Variants in MAPK10 observed in about 807,000 individuals in gnomAD.
MAPK10 encodes mitogen-activated protein kinase 10.
MAPK10 carries 25 observed loss-of-function variants against 59.3 expected under a neutral mutation model. The observed-to-expected ratio is 0.42, with a 90% CI of 0.31 to 0.59. The LOEUF is 0.59. Among genes scored for constraint, MAPK10 ranks in the 20% least tolerant of loss-of-function variants. MAPK10 has a pLI of 0.15. For missense variants in MAPK10, 351 were observed against 568.9 expected (o/e 0.62, Z 3.90); for synonymous variants, 190 against 200.5 (o/e 0.95, Z 0.44).
rs1323414094 is a variant in MAPK10, at chr4:86,423,779, A to T, written c.-122+29251T>A. On this transcript the variant is annotated intron_variant, in intron 1 of 13. Transcript: ENST00000361569. ...TAGTGGGATATATATACATATATAT[A>T]TATATATATATATATATGTTTAGGA... is the stretch of plus-strand genomic sequence containing the variant. Among the ~76,000 whole-genome samples the T allele has an allele frequency of 6.1e-3, 890 of 145,110 alleles. 22 individuals are homozygous for T. The highest frequency in any genetic ancestry group is 0.02 in the African/African-American group (796 of 39,316).
chr4:86,327,917 T>G (rs1013675224), intron 2 of MAPK10, among the ~76,000 whole-genome samples: 2 of 150,546 alleles, frequency 1.3e-5, no homozygotes, highest in Non-Finnish European at 3.0e-5. Flanking sequence ...ACCACTGCAC[T>G]CCAGCTAGGC....
chr4:86,501,293 A>T (rs970600459), intron 1 of MAPK10, among the ~76,000 whole-genome samples: 1 of 152,046 alleles, frequency 6.6e-6, no homozygotes, highest in African/African-American at 2.4e-5. Flanking sequence ...TATTTTATAT[A>T]TAGTCTTCAA....
intron 2 of MAPK10, among the ~76,000 whole-genome samples, chr4:86,248,632 A>C (rs1165566537): frequency 6.6e-6 from 1 of 152,236 alleles, no homozygotes; most frequent in Non-Finnish European, 1.5e-5. Flanking sequence ...TCAAAGAAGA[A>C]TCTTTCTCAA....
At chr4:86,442,722 A>G (rs946869514) in intron 1 of MAPK10, among the ~76,000 whole-genome samples, 13 of 152,166 alleles carry the variant, frequency 8.5e-5, no homozygotes, top group Non-Finnish European at 2.9e-5. Context: ...ACAATCTTAA[A>G]TTATTTAAAT....
chr4:86,421,364 A>T (rs1025344449), intron 1 of MAPK10, among the ~76,000 whole-genome samples: 20 of 152,216 alleles, frequency 1.3e-4, no homozygotes, highest in African/African-American at 4.8e-4. Context: ...TCTCTAAAAA[A>T]TAAGTAAATA....
intron 2 of MAPK10, among the ~76,000 whole-genome samples, chr4:86,199,710 G>A (rs1246550633): frequency 6.6e-6 from 1 of 151,874 alleles, no homozygotes; most frequent in Non-Finnish European, 1.5e-5. Flanking sequence ...CATTATTTAA[G>A]CATATGAAAC....
intron 2 of MAPK10, among the ~76,000 whole-genome samples, chr4:86,229,773 A>G (rs1188337576): frequency 2.0e-5 from 3 of 152,288 alleles, no homozygotes; most frequent in South Asian, 2.1e-4. Context: ...TGACATGTTT[A>G]GGCAAGGCAT....
chr4:86,295,024 G>A lies in MAPK10; in HGVS notation c.-7+59506C>T, dbSNP rs1252826893. On this transcript the variant is annotated intron_variant, in intron 2 of 13. Transcript: ENST00000641462. ...TAGAGGCCTCAGAAGGGTATCACTC[G>A]CATGGTACAGCTAAATAAGGCCTAC... is the stretch of plus-strand genomic sequence containing the variant. 1.3e-5 allele frequency among the ~76,000 whole-genome samples: 2 copies of A among 152,144 alleles called. 1 individual carries two copies. The highest frequency in any genetic ancestry group is 1.3e-4 in the Admixed American group (2 of 15,270).
chr4:86,370,649 T>C (rs932697292), intron 1 of MAPK10: 9 of 152,234 alleles, frequency 5.9e-5, no homozygotes, highest in African/African-American at 2.2e-4. Flanking sequence ...GTCTCCTGTT[T>C]GAAAAGGAAA....
intron 13 of MAPK10, among the ~76,000 whole-genome samples, chr4:86,026,218 G>T (rs1326728723): frequency 6.6e-6 from 1 of 152,174 alleles, no homozygotes; most frequent in Admixed American, 6.5e-5. Flanking sequence ...TTCTCAGGTG[G>T]AAGAGGGCTG....
At chr4:86,221,691 AC>A (rs1403461266) in intron 2 of MAPK10, among the ~76,000 whole-genome samples, 3 of 151,822 alleles carry the variant, frequency 2.0e-5, no homozygotes, top group African/African-American at 7.3e-5. Flanking sequence ...TTTTGTAGAG[AC>A]AGGTTTTGCC....
At chr4:86,198,624 C>A (rs960945884) in intron 2 of MAPK10, among the ~76,000 whole-genome samples, 2 of 151,592 alleles carry the variant, frequency 1.3e-5, no homozygotes, top group African/African-American at 4.8e-5. Context: ...TCAGGAAAGG[C>A]CAAACTTTAA....
intron 9 of MAPK10, among the ~76,000 whole-genome samples, chr4:86,069,264 T>C (rs572950841): frequency 6.6e-6 from 1 of 152,130 alleles, no homozygotes; most frequent in Non-Finnish European, 1.5e-5. Context: ...CTTTTCTTCA[T>C]CTCTATAATC....
At chr4:86,156,042 T>C (rs897143501) in intron 4 of MAPK10, among the ~76,000 whole-genome samples, 12 of 152,026 alleles carry the variant, frequency 7.9e-5, no homozygotes, top group African/African-American at 2.9e-4. Flanking sequence ...CAGAATGGTG[T>C]ACAATTTAAA....
chr4:86,100,941 A>C, intron 8 of MAPK10, 111 bp downstream of exon 8: 3 of 871,528 alleles, frequency 3.4e-6, no homozygotes, highest in Non-Finnish European at 5.2e-6. Flanking sequence ...GCTATCTGGC[A>C]GCCCTACTTT....
At chr4:86,447,284 G>A (rs920319246) in intron 1 of MAPK10, among the ~76,000 whole-genome samples, 1 of 152,076 alleles carries the variant, frequency 6.6e-6, no homozygotes. Context: ...TCTCTCTCCT[G>A]TTGCCTTGTG....
chr4:86,567,644 T>C (rs904335303), intron 1 of MAPK10, among the ~76,000 whole-genome samples: 6 of 152,236 alleles, frequency 3.9e-5, no homozygotes, highest in Non-Finnish European at 8.8e-5. Flanking sequence ...AACAAAACTG[T>C]ACTTGTACCC....
Position 86,480,101 on chromosome 4 carries a change from CCT to C in MAPK10, c.-263+113807_-263+113808del, listed in dbSNP as rs1383744038. Among the ~76,000 whole-genome samples the C allele has an allele frequency of 4.6e-5, 7 of 152,242 alleles. No individual in the cohort carries two copies. In the East Asian group the frequency reaches 1.4e-3, roughly 29 times the overall value. ...GAGCCCAAGCTAAGCCATCATATCC[CCT>C]GTGACCTGCACGTATACACCTAGAT... On this transcript the variant is annotated intron_variant, in intron 1 of 4. Coordinates refer to the MAPK10 transcript ENST00000502302.
intron 2 of MAPK10, among the ~76,000 whole-genome samples, chr4:86,256,202 C>T (rs1255359985): frequency 2.0e-5 from 3 of 152,202 alleles, no homozygotes; most frequent in African/African-American, 7.2e-5. Flanking sequence ...TCTCTACAAT[C>T]AACCAATCTC....
Sources: gnomAD v4.1 joint callset for allele counts (sites outside exome capture counted in the v4.1 genomes callset) on GRCh38, gnomAD v4.1.1 for gene constraint, MANE v1.5 for transcripts, NCBI Gene and HGNC (gene_info 2026-07-23, HGNC 2026-07-21) for gene names.